SPAG16: variants seen among roughly 807,000 people sequenced by gnomAD.
SPAG16 encodes sperm associated antigen 16.
SPAG16 carries 86 observed loss-of-function variants against 80.4 expected under a neutral mutation model. The observed-to-expected ratio is 1.07, with a 90% CI of 0.90 to 1.28. The LOEUF is 1.28. Ranked by LOEUF, SPAG16 falls within the 50% of genes most tolerant of loss-of-function variation. SPAG16 has a pLI of 0.00. For missense variants in SPAG16, 870 were observed against 765.3 expected, an observed-to-expected ratio of 1.14 and a Z score of -1.61; for synonymous variants, 294 against 265.9, an observed-to-expected ratio of 1.11 and a Z score of -1.03.
At chr2:213,761,318 A>G (rs1337921578) in intron 10 of SPAG16, among the ~76,000 whole-genome samples, 1 of 152,218 alleles carries the variant, frequency 6.6e-6, no homozygotes, top group Non-Finnish European at 1.5e-5. Context: ...AAAGATCTCA[A>G]GTCAACAACC....
chr2:214,225,193 G>A (rs2058673475), intron 15 of SPAG16, among the ~76,000 whole-genome samples: 1 of 152,212 alleles, frequency 6.6e-6, no homozygotes, highest in African/African-American at 2.4e-5. Flanking sequence ...AACAGGAGAT[G>A]TGGACAAAAT....
intron 10 of SPAG16, among the ~76,000 whole-genome samples, chr2:213,722,270 T>C (rs1420450892): frequency 6.6e-6 from 1 of 152,186 alleles, no homozygotes; most frequent in African/African-American, 2.4e-5. Flanking sequence ...GAAAAACAGC[T>C]ACTCAGAACA....
At chr2:214,227,486 C>T (rs2058722300) in intron 15 of SPAG16, among the ~76,000 whole-genome samples, 2 of 151,934 alleles carry the variant, frequency 1.3e-5, no homozygotes, top group Admixed American at 6.6e-5. Flanking sequence ...AGTTAGGACT[C>T]CAATATGTAC....
At chr2:213,914,488 A>G (rs1043666169) in intron 11 of SPAG16, among the ~76,000 whole-genome samples, 3 of 152,116 alleles carry the variant, frequency 2.0e-5, no homozygotes, top group Admixed American at 6.6e-5. Context: ...ATTCTATCAT[A>G]TATATAGTAT....
Position 213,708,476 on chromosome 2 carries a change from T to G in SPAG16, c.1071-154009T>G, listed in dbSNP as rs1009235038. Among the ~76,000 whole-genome samples the G allele has an allele frequency of 6.6e-5, 10 of 151,582 alleles. No homozygotes were observed. The South Asian group carries it at 1.9e-3, about 28-fold the overall frequency. The stretch of plus-strand genomic sequence containing the variant: ...CAGCACGTTAGGAAGTCGAGGCGGG[T>G]AGATCACCTGAGGTCAGGAGTTCAA... On this transcript the variant is annotated intron_variant, in intron 10 of 15. Transcript: ENST00000331683.
At chr2:213,980,682 T>C (rs1449879224) in intron 12 of SPAG16, among the ~76,000 whole-genome samples, 2 of 140,920 alleles carry the variant, frequency 1.4e-5, no homozygotes, top group African/African-American at 5.4e-5. Flanking sequence ...TATATGTGTG[T>C]ATATATAGAA....
intron 14 of SPAG16, among the ~76,000 whole-genome samples, chr2:214,119,191 T>C (rs1267698248): frequency 6.6e-6 from 1 of 152,188 alleles, no homozygotes; most frequent in Non-Finnish European, 1.5e-5. Flanking sequence ...TGAAAAACTA[T>C]TGAATTGAAT....
At chr2:214,071,792 T>C (rs188712478) in intron 13 of SPAG16, among the ~76,000 whole-genome samples, 19 of 152,268 alleles carry the variant, frequency 1.2e-4, no homozygotes, top group Non-Finnish European at 1.9e-4. Context: ...GTCATTGTAA[T>C]CAGGATCTAG....
intron 10 of SPAG16, among the ~76,000 whole-genome samples, chr2:213,715,225 T>TATC (rs2066179421): frequency 2.2e-5 from 3 of 135,166 alleles, no homozygotes; most frequent in African/African-American, 7.7e-5. Flanking sequence ...TCTATCTGTC[T>TATC]ATCTATCTAT....
At chr2:213,359,624 A>G (rs2065865004) in intron 7 of SPAG16, among the ~76,000 whole-genome samples, 2 of 152,228 alleles carry the variant, frequency 1.3e-5, no homozygotes, top group Non-Finnish European at 2.9e-5. Flanking sequence ...TGCTAAGACC[A>G]TGGGAAAAGT....
rs145949813 is a variant in SPAG16 at position 213,711,998 on chromosome 2, C to G, written c.1071-150487C>G. Among the ~76,000 whole-genome samples, 16 of 151,786 alleles carry G rather than the reference C, an allele frequency of 1.1e-4. 2 individuals carry two copies. The highest frequency in any genetic ancestry group is 3.9e-4 in the African/African-American group (16 of 41,358). ...TATATTTTTAAGGGTTTACACAATT[C>G]CAGGAGGCACCATTCTCATTATCTA... On this transcript the variant is annotated intron_variant, in intron 10 of 15. Transcript: ENST00000331683.
intron 12 of SPAG16, among the ~76,000 whole-genome samples, chr2:213,959,601 A>T (rs541204815): frequency 1.0e-3 from 156 of 152,234 alleles, no homozygotes; most frequent in African/African-American, 3.7e-3. Context: ...AGGAAACCCT[A>T]AGGAATAATA....
intron 3 of SPAG16, among the ~76,000 whole-genome samples, chr2:213,308,743 A>G (rs1474994743): frequency 1.3e-5 from 2 of 152,148 alleles, no homozygotes. Flanking sequence ...AAGTGGTCTT[A>G]TATCTGGTGG....
chr2:213,758,651 G>A (rs573253307), intron 10 of SPAG16, among the ~76,000 whole-genome samples: 1 of 152,210 alleles, frequency 6.6e-6, no homozygotes, highest in Non-Finnish European at 1.5e-5. Flanking sequence ...AGGAACAGAA[G>A]GAAAAAGAAT....
chr2:213,461,862 A>G (rs2072383980), intron 9 of SPAG16, among the ~76,000 whole-genome samples: 1 of 152,072 alleles, frequency 6.6e-6, no homozygotes. Context: ...GACTCAGGAG[A>G]AGCTCAATGT....
At position 213,338,138 on chromosome 2, in the gene SPAG16, A is replaced by G. The variant is rs184561798; in HGVS notation, c.537-2025A>G. Among the ~76,000 whole-genome samples, 298 of 152,312 alleles carry G rather than the reference A, an allele frequency of 2.0e-3. 7 individuals are homozygous for G. The highest frequency in any genetic ancestry group is 2.1e-4 in the Non-Finnish European group (14 of 68,026). On this transcript the variant is annotated intron_variant, in intron 5 of 15. Coordinates refer to ENST00000331683, the MANE Select transcript of SPAG16 (RefSeq NM_024532.5). ...ACTCAGCTTCATAAGTGAAGGAGAA[A>G]TAAAATCTTTTTCAGACAAGCAAAT...
At chr2:214,255,618 T>G (rs1056957099) in intron 15 of SPAG16, among the ~76,000 whole-genome samples, 1 of 151,932 alleles carries the variant, frequency 6.6e-6, no homozygotes, top group Admixed American at 6.6e-5. Context: ...TATGGAATGT[T>G]ATTGTCCCAG....
chr2:213,797,982 T>G (rs530596276), intron 10 of SPAG16, among the ~76,000 whole-genome samples: 1 of 152,338 alleles, frequency 6.6e-6, no homozygotes, highest in East Asian at 1.9e-4. Context: ...CAACATTTGC[T>G]GTCTTTCTTT....
intron 10 of SPAG16, among the ~76,000 whole-genome samples, chr2:213,702,379 C>T (rs905688302): frequency 4.6e-5 from 7 of 152,208 alleles, no homozygotes; most frequent in African/African-American, 9.6e-5. Flanking sequence ...AATCTTGCTG[C>T]TGCTGTTTGG....
Sources: allele counts gnomAD v4.1 joint callset (sites outside exome capture counted in the v4.1 genomes callset), GRCh38; gene constraint gnomAD v4.1.1; transcripts MANE v1.5; gene names NCBI Gene and HGNC (gene_info 2026-07-23, HGNC 2026-07-21).